PTK2: variants seen among roughly 807,000 people sequenced by gnomAD.
The protein encoded by PTK2 is focal adhesion kinase 1.
Under a neutral mutation model 150.1 loss-of-function variants are expected in PTK2, and 45 were observed. The observed-to-expected ratio is 0.30, with a 90% CI of 0.24 to 0.38. The LOEUF is 0.38. PTK2 is among the 10% of genes least tolerant of loss of function. The pLI is 1.00. For missense variants in PTK2, 919 were observed against 1,307.3 expected, an observed-to-expected ratio of 0.70 and a Z score of 4.58; for synonymous variants, 432 against 449.2, an observed-to-expected ratio of 0.96 and a Z score of 0.48.
intron 22 of PTK2, among the ~76,000 whole-genome samples, chr8:140,720,461 C>T (rs549506188): frequency 6.6e-6 from 1 of 151,966 alleles, no homozygotes; most frequent in East Asian, 1.9e-4. Flanking sequence ...CAATCAAACT[C>T]AAGGAGTTTG....
chr8:140,811,884 TGAAG>T (rs1249653355), intron 10 of PTK2, among the ~76,000 whole-genome samples: 2 of 152,070 alleles, frequency 1.3e-5, no homozygotes, highest in African/African-American at 4.8e-5. Context: ...TGAAAAGGAA[TGAAG>T]AAAGCCTCTG....
chr8:140,833,224 G>A (rs1272978106), intron 7 of PTK2, among the ~76,000 whole-genome samples: 4 of 151,804 alleles, frequency 2.6e-5, no homozygotes, highest in African/African-American at 9.7e-5. Context: ...ATACAGTTTA[G>A]GTTTTCTTAA....
In PTK2 at chr8:140,789,600, G is replaced by A. The variant is rs143579456; in HGVS notation, c.1125-74C>T. The A allele has an allele frequency of 8.2e-3, 12,061 of 1,472,156 alleles. 78 individuals are homozygous for A. The highest frequency in any genetic ancestry group is 0.012 in the South Asian group (991 of 80,800). 91.2% of individuals were successfully genotyped at this position (1,472,156 alleles called of 1,614,324 possible). ...CCCGCAACTCGGCCTCATCAAGTGG[G>A]GAACTGCCTTGGATGAGGAAGACAA... On this transcript the variant is annotated intron_variant, in intron 13 of 31. Coordinates refer to ENST00000522684, the Ensembl canonical transcript of PTK2.
At chr8:140,974,524 T>G (rs2100188552) in intron 1 of PTK2, among the ~76,000 whole-genome samples, 1 of 152,170 alleles carries the variant, frequency 6.6e-6, no homozygotes, top group African/African-American at 2.4e-5. Flanking sequence ...GGAAAAACAT[T>G]CCAATTGCTG....
chr8:140,988,763 A>T (rs1383698799), intron 1 of PTK2, among the ~76,000 whole-genome samples: 1 of 150,544 alleles, frequency 6.6e-6, no homozygotes, highest in Non-Finnish European at 1.5e-5. Flanking sequence ...ACACACACGT[A>T]TACGGACAAG....
intron 3 of PTK2, among the ~76,000 whole-genome samples, chr8:140,883,322 T>C (rs1055515662): frequency 5.9e-5 from 9 of 152,148 alleles, no homozygotes; most frequent in African/African-American, 2.2e-4. Flanking sequence ...GACATGACAA[T>C]GAACATGTGC....
intron 16 of PTK2, among the ~76,000 whole-genome samples, chr8:140,760,919 T>C (rs1254359497): frequency 1.3e-5 from 2 of 152,188 alleles, no homozygotes. Context: ...TAAAAACTGT[T>C]ACTGATGACA....
chr8:140,764,254 T>C, exon 15 of PTK2: 2 of 1,611,184 alleles, frequency 1.2e-6, no homozygotes, highest in Non-Finnish European at 1.7e-6. Flanking sequence ...GGTGTAAGTA[T>C]CTTCTTCATC....
chr8:140,877,254 G>A (rs936297049), intron 4 of PTK2, among the ~76,000 whole-genome samples: 2 of 151,772 alleles, frequency 1.3e-5, no homozygotes, highest in Non-Finnish European at 2.9e-5. Flanking sequence ...GCCTGGTCTC[G>A]AACTCCTGAA....
At chr8:140,709,426 A>G (rs1321260539) in intron 23 of PTK2, among the ~76,000 whole-genome samples, 1 of 152,254 alleles carries the variant, frequency 6.6e-6, no homozygotes, top group Non-Finnish European at 1.5e-5. Flanking sequence ...GCTAACCAAC[A>G]GCCATGGAGA....
Position 140,896,797 on chromosome 8 carries a change from G to GT in PTK2, c.-32-6029_-32-6028insA, listed in dbSNP as rs1555343209. 4.4e-3 allele frequency among the ~76,000 whole-genome samples: 589 copies of GT among 134,072 alleles called. 9 individuals are homozygous for GT. The highest frequency in any genetic ancestry group is 8.0e-3 in the Non-Finnish European group (473 of 58,766). The allele number at this position is 134,072 out of a possible 152,430, so 88.0% of individuals were successfully genotyped here. On this transcript the variant is annotated intron_variant, in intron 2 of 31. Coordinates refer to ENST00000522684, the Ensembl canonical transcript of PTK2. ...CTTCCCCCCAAAAAAACGGGGGGGG[G>GT]GGGTGGGTAAAACATAAACATTGGG...
intron 14 of PTK2, among the ~76,000 whole-genome samples, chr8:140,782,402 G>A (rs914160546): frequency 1.3e-5 from 2 of 151,800 alleles, no homozygotes; most frequent in Non-Finnish European, 2.9e-5. Context: ...ACGCCTCCAC[G>A]CCTGGCTACA....
At chr8:140,863,355 T>C (rs2154605811) in intron 5 of PTK2, among the ~76,000 whole-genome samples, 1 of 152,246 alleles carries the variant, frequency 6.6e-6, no homozygotes, top group South Asian at 2.1e-4. Flanking sequence ...GATACTGCCA[T>C]CTAATCAGAG....
intron 2 of PTK2, among the ~76,000 whole-genome samples, chr8:140,915,076 T>C (rs1042733339): frequency 6.8e-6 from 1 of 146,818 alleles, no homozygotes; most frequent in African/African-American, 2.5e-5. Flanking sequence ...TCTTAGGCAC[T>C]GGGAATGCAG....
At chr8:140,790,506 G>C (rs1326087867) in intron 13 of PTK2, among the ~76,000 whole-genome samples, 1 of 152,150 alleles carries the variant, frequency 6.6e-6, no homozygotes. Flanking sequence ...TGTTACACAT[G>C]AGGTCACATG....
intron 26 of PTK2, among the ~76,000 whole-genome samples, chr8:140,690,804 C>T (rs2100022732): frequency 6.6e-6 from 1 of 152,162 alleles, no homozygotes; most frequent in Admixed American, 6.5e-5. Context: ...TAAGGCTGCA[C>T]AACGTTCCAC....
intron 1 of PTK2, among the ~76,000 whole-genome samples, chr8:140,935,453 G>A (rs571876898): frequency 6.6e-6 from 1 of 152,140 alleles, no homozygotes; most frequent in Non-Finnish European, 1.5e-5. Context: ...TGGTTCTCTG[G>A]CCTCAGGACC....
At chr8:140,875,361 G>C (rs1440319495) in intron 4 of PTK2, among the ~76,000 whole-genome samples, 2 of 152,162 alleles carry the variant, frequency 1.3e-5, no homozygotes, top group Non-Finnish European at 2.9e-5. Flanking sequence ...CAATAGAGAA[G>C]AAACCATCAC....
chr8:140,928,299 T>C (rs1438858500), intron 1 of PTK2, among the ~76,000 whole-genome samples: 2 of 152,104 alleles, frequency 1.3e-5, no homozygotes, highest in East Asian at 1.9e-4. Flanking sequence ...TTTTAAAAAA[T>C]AGAAAATAAG....
Sources: allele counts gnomAD v4.1 joint callset (sites outside exome capture counted in the v4.1 genomes callset), GRCh38; gene constraint gnomAD v4.1.1; transcripts MANE v1.5; gene names NCBI Gene and HGNC (gene_info 2026-07-23, HGNC 2026-07-21).